Variants in SCNN1G observed in about 807,000 individuals in gnomAD.
SCNN1G encodes the protein epithelial sodium channel subunit gamma.
A neutral mutation model predicts 64.6 loss-of-function variants in SCNN1G; 27 were observed. That is an observed-to-expected ratio of 0.42 (90% CI 0.31 to 0.58). SCNN1G has a LOEUF of 0.58. SCNN1G is among the 20% of genes least tolerant of loss of function. The pLI, the probability that SCNN1G is intolerant of heterozygous loss-of-function variation, is 0.18. For missense variants in SCNN1G, 743 were observed against 823.4 expected (o/e 0.90, Z 1.19); for synonymous variants, 330 against 314.2 (o/e 1.05, Z -0.53).
intron 6 of SCNN1G, among the ~76,000 whole-genome samples, chr16:23,204,448 G>C (rs994289027): frequency 2.1e-4 from 30 of 143,560 alleles, no homozygotes; most frequent in South Asian, 6.6e-4. Flanking sequence ...GAAAAAGAGG[G>C]GTTAGGGAAG....
rs149263547 is a variant in SCNN1G at position 23,202,146 on chromosome 16, A to G, written c.1077+4719A>G. ...ACAAAAGTAAGCACAACTTTGCAAT[A>G]CAGTTTCCATCTCTGTGGAAACAGA... On this transcript the variant is annotated intron_variant, in intron 6 of 12. Transcript: ENST00000300061. Among the ~76,000 whole-genome samples the G allele has an allele frequency of 2.0e-3, 298 of 152,070 alleles. 2 individuals are homozygous for G. Among genetic ancestry groups the G allele is most frequent in the African/African-American group, 7.0e-3 (290 of 41,488 alleles).
intron 1 of SCNN1G, among the ~76,000 whole-genome samples, chr16:23,185,911 C>G (rs1959597872): frequency 6.6e-6 from 1 of 152,104 alleles, no homozygotes; most frequent in African/African-American, 2.4e-5. Context: ...GAGTTCCTGC[C>G]CAGGAACCCG....
At chr16:23,204,330 T>TACAC (rs1475386474) in intron 6 of SCNN1G, among the ~76,000 whole-genome samples, 2 of 34,484 alleles carry the variant, frequency 5.8e-5, no homozygotes, top group East Asian at 9.9e-4. Context: ...TATATATATA[T>TACAC]ATATAGAGAG....
chr16:23,195,565 GTC>G (rs1240193892), intron 5 of SCNN1G, among the ~76,000 whole-genome samples: 4 of 152,196 alleles, frequency 2.6e-5, no homozygotes, highest in African/African-American at 9.7e-5. Context: ...CTCTTACTAA[GTC>G]TGCAAGAAAT....
intron 3 of SCNN1G, 85 bp downstream of exon 3, chr16:23,189,756 C>G: frequency 7.8e-7 from 1 of 1,285,852 alleles, no homozygotes; most frequent in Non-Finnish European, 1.1e-6. Flanking sequence ...CCACTAGCCC[C>G]TGTGGTCCAA....
intron 7 of SCNN1G, among the ~76,000 whole-genome samples, chr16:23,210,336 C>T (rs1458999443): frequency 6.6e-6 from 1 of 152,042 alleles, no homozygotes; most frequent in Non-Finnish European, 1.5e-5. Context: ...GGATGGTGTT[C>T]GAAAGTCAAG....
chr16:23,191,835 A>G (rs556025999), intron 3 of SCNN1G, among the ~76,000 whole-genome samples: 4 of 152,306 alleles, frequency 2.6e-5, no homozygotes, highest in African/African-American at 7.2e-5. Flanking sequence ...TATTTCAAAC[A>G]TGGGTCCTCC....
rs545593214 is a variant in SCNN1G at position 23,185,065 on chromosome 16, G to C, written c.-44-1163G>C. Among the ~76,000 whole-genome samples the C allele has an allele frequency of 9.2e-5, 14 of 152,292 alleles. 1 individual carries two copies. In the South Asian group the frequency reaches 2.5e-3, roughly 27 times the overall value. On this transcript the variant is annotated intron_variant, in intron 1 of 12. Coordinates refer to ENST00000300061, the MANE Select transcript of SCNN1G (RefSeq NM_001039.4). ...ATTGTTAATTAACTCCCTGCACCCAGCGTACTACCAGGCCCCTCAAAGGCG... is the reference window on the plus strand; with the variant it reads ...ATTGTTAATTAACTCCCTGCACCCACCGTACTACCAGGCCCCTCAAAGGCG...
At chr16:23,196,796 T>G (rs13331086) in intron 5 of SCNN1G, among the ~76,000 whole-genome samples, 31,457 of 152,130 alleles carry the variant, frequency 0.21, 3,375 homozygotes, top group Non-Finnish European at 0.23. Context: ...CGCATAGACT[T>G]CAGGGGGCAA....
rs1204147416 is a variant in SCNN1G at position 23,192,355 on chromosome 16, T to A, written c.622T>A (p.Ser208Thr). ...SKQVVGFQLC[S>T]NDTSDCATYT... ...TCGCATCTCCTCTTATTCACAGTGC[T>A]CAAATGACACCTCCGACTGTGCCAC... The change falls in exon 4 of 13, where the codon TCA becomes ACA. Residue 208 changes from serine (S) to threonine (T), a missense_variant. Coordinates refer to ENST00000300061, the MANE Select transcript of SCNN1G (RefSeq NM_001039.4). 3 of 1,613,800 alleles carry A rather than the reference T, an allele frequency of 1.9e-6. No individual in the cohort carries two copies. Among genetic ancestry groups the A allele is most frequent in the Non-Finnish European group, 2.5e-6 (3 of 1,179,846 alleles).
At chr16:23,185,090 G>A (rs917873555) in intron 1 of SCNN1G, among the ~76,000 whole-genome samples, 16 of 152,294 alleles carry the variant, frequency 1.1e-4, no homozygotes, top group Non-Finnish European at 1.5e-4. Context: ...CCTCAAAGGC[G>A]TATGCCATAG....
intron 6 of SCNN1G, among the ~76,000 whole-genome samples, chr16:23,203,769 CAAAAAAAAAAAAAAAA>C (rs71151702): frequency 2.4e-5 from 1 of 42,268 alleles, no homozygotes; most frequent in Non-Finnish European, 3.6e-5. Flanking sequence ...GACTCCGTCT[CAAAAAAAAAAAAAAAA>C]AAAAAAAAAA....
At chr16:23,189,288 T>A in intron 2 of SCNN1G, 83 bp from the exon 3 acceptor site, 1 of 1,410,408 alleles carries the variant, frequency 7.1e-7, no homozygotes. Context: ...TGACACGTGT[T>A]GATGGAAAAC....
In SCNN1G at chr16:23,189,610, T is replaced by A; in HGVS notation, c.557T>A (p.Ile186Asn). 1 of 1,614,190 alleles carries A rather than the reference T, an allele frequency of 6.2e-7. No homozygotes were observed. The highest frequency in any genetic ancestry group is 1.7e-5 in the Admixed American group (1 of 60,030). The stretch of plus-strand genomic sequence containing the variant: ...AGGAAGCGGAAAGTCGGCGGTAGCA[T>A]CATTCACAAGGCTTCAAATGTCATG... ...TGRKRKVGGS[I>N]IHKASNVMHI... The change falls in exon 3 of 13, where the codon ATC becomes AAC. Residue 186 changes from isoleucine (I) to asparagine (N), a missense_variant. Coordinates refer to ENST00000300061, the MANE Select transcript of SCNN1G (RefSeq NM_001039.4).
rs750799196 is a variant in SCNN1G, at chr16:23,212,859, A to G, written c.1396A>G (p.Thr466Ala). The G allele has an allele frequency of 1.9e-6, 3 of 1,614,112 alleles. No individual in the cohort carries two copies. The highest frequency in any genetic ancestry group is 2.2e-5 in the South Asian group (2 of 91,074). ...ACSFKEWTLTTSLAQWPSVVS... is the reference protein window; with the variant it reads ...ACSFKEWTLTASLAQWPSVVS... The stretch of plus-strand genomic sequence containing the variant: ...TAGCTTTAAAGAGTGGACACTAACC[A>G]CAAGCCTGGCACAATGGCCATCTGT... The change falls in exon 10 of 13, where the codon ACA (threonine) becomes GCA (alanine). Residue 466 changes from threonine to alanine, a missense_variant. Physicochemically the swap from Thr to Ala is moderately conservative, Grantham distance 58 (BLOSUM62 0). Transcript: ENST00000300061.
At position 23,213,082 on chromosome 16, in the gene SCNN1G, G is replaced by C; in HGVS notation, c.1432-20G>C. The C allele has an allele frequency of 6.2e-7, 1 of 1,612,502 alleles. No homozygotes were observed. Among genetic ancestry groups the C allele is most frequent in the Non-Finnish European group, 8.5e-7 (1 of 1,178,582 alleles). ...GCCTCTCAGGCACCCTCAGGCCCAC[G>C]CTTTCTCTCTCCGTTGTAGAAGTGG... On this transcript the variant is annotated intron_variant, in intron 10 of 12. Transcript: ENST00000300061.
intron 10 of SCNN1G, 41 bp downstream of exon 10, chr16:23,212,935 C>T: frequency 1.3e-6 from 2 of 1,597,360 alleles, no homozygotes; most frequent in South Asian, 2.2e-5. Context: ...AAGCCCCCAG[C>T]CTGGAGCCCC....
intron 2 of SCNN1G, among the ~76,000 whole-genome samples, chr16:23,187,175 C>T (rs4620962): frequency 0.19 from 28,060 of 148,378 alleles, 3,153 homozygotes; most frequent in Admixed American, 0.29. Context: ...GTGGTGCAAT[C>T]ATAGCTCCCT....
intron 6 of SCNN1G, among the ~76,000 whole-genome samples, chr16:23,201,065 A>G (rs1959880861): frequency 6.6e-6 from 1 of 152,226 alleles, no homozygotes; most frequent in South Asian, 2.1e-4. Flanking sequence ...CGAACCCTCA[A>G]TCTGCTCAAA....
Sources: gnomAD v4.1 joint callset for allele counts (sites outside exome capture counted in the v4.1 genomes callset) on GRCh38, gnomAD v4.1.1 for gene constraint, MANE v1.5 for transcripts, NCBI Gene and HGNC (gene_info 2026-07-23, HGNC 2026-07-21) for gene names.